EYA1: variants seen among roughly 807,000 people sequenced by gnomAD.
The protein encoded by EYA1 is EYA transcriptional coactivator and phosphatase 1.
In EYA1, 16 loss-of-function variants were observed where a neutral mutation model predicts 82.0. The observed-to-expected ratio is 0.20, with a 90% CI of 0.13 to 0.30. The LOEUF (loss-of-function observed/expected upper bound fraction) is 0.30, where lower values mean the gene tolerates loss of function less well. EYA1 is among the 10% of genes least tolerant of loss of function. The probability of loss-of-function intolerance (pLI) is 1.00; values close to 1 mark genes in which losing one functional copy is unlikely to be tolerated. For missense variants in EYA1, 633 were observed against 730.7 expected (o/e 0.87, Z 1.54); for synonymous variants, 261 against 264.4 (o/e 0.99, Z 0.12).
At position 71,244,466 on chromosome 8, in the gene EYA1, AAC is replaced by A. The variant is rs1812835188; in HGVS notation, c.1140+135_1140+136del. 3 of 595,848 alleles carry A rather than the reference AAC, an allele frequency of 5.0e-6. No individual in the cohort carries two copies. The South Asian group carries it at 5.8e-5, about 11-fold the overall frequency. The allele number at this position is 595,848 out of a possible 1,614,324, so 36.9% of individuals were successfully genotyped here. On this transcript the variant is annotated intron_variant, in intron 12 of 17. Coordinates refer to ENST00000340726, the MANE Select transcript of EYA1 (RefSeq NM_000503.6). ...CAAAATAGAAATCCCATAAAGGCAAAACACATTGCCATATTACCAACAAACCT... is the reference window on the plus strand; with the variant it reads ...CAAAATAGAAATCCCATAAAGGCAAAACATTGCCATATTACCAACAAACCT...
intron 9 of EYA1, among the ~76,000 whole-genome samples, chr8:71,277,683 C>A (rs111913516): frequency 0.01 from 1,524 of 152,262 alleles, 24 homozygotes; most frequent in African/African-American, 0.035. Flanking sequence ...ATCATTCCCA[C>A]TCTGGGAAAA....
intron 17 of EYA1, among the ~76,000 whole-genome samples, chr8:71,207,692 ATCT>A (rs998110524): frequency 5.9e-5 from 9 of 152,364 alleles, no homozygotes; most frequent in Middle Eastern, 6.8e-3. Flanking sequence ...AGTGGAAACA[ATCT>A]TTTTTTAAGC....
At chr8:71,395,160 G>A (rs570941711) in intron 2 of EYA1, among the ~76,000 whole-genome samples, 103 of 152,312 alleles carry the variant, frequency 6.8e-4, no homozygotes, top group African/African-American at 2.3e-3. Flanking sequence ...AGACTTTGCC[G>A]AAGTTGCTTA....
chr8:71,397,928 A>G (rs1323826286), intron 2 of EYA1, among the ~76,000 whole-genome samples: 1 of 152,168 alleles, frequency 6.6e-6, no homozygotes, highest in East Asian at 1.9e-4. Flanking sequence ...AGGTACACCA[A>G]TCAGACATAG....
chr8:71,405,987 T>C (rs1262281892), intron 2 of EYA1, among the ~76,000 whole-genome samples: 1 of 152,172 alleles, frequency 6.6e-6, no homozygotes, highest in Admixed American at 6.5e-5. Flanking sequence ...CATAGGGATA[T>C]CATTAACAAA....
At chr8:71,326,560 G>A (rs961520165) in intron 4 of EYA1, among the ~76,000 whole-genome samples, 11 of 152,134 alleles carry the variant, frequency 7.2e-5, no homozygotes, top group Admixed American at 5.2e-4. Context: ...CGGGGGTGAG[G>A]GGACACTTTC....
intron 3 of EYA1, among the ~76,000 whole-genome samples, chr8:71,346,700 C>T (rs1471767953): frequency 6.6e-6 from 1 of 151,928 alleles, no homozygotes; most frequent in East Asian, 1.9e-4. Context: ...CACTATAGAT[C>T]AAATTCAAAA....
intron 2 of EYA1, among the ~76,000 whole-genome samples, chr8:71,522,631 T>C (rs1344313706): frequency 6.7e-6 from 1 of 148,394 alleles, no homozygotes. Context: ...TTTTTTTTTT[T>C]TTTTTTTGAG....
chr8:71,458,387 ATT>A (rs370744569), intron 2 of EYA1, among the ~76,000 whole-genome samples: 1 of 149,662 alleles, frequency 6.7e-6, no homozygotes, highest in African/African-American at 2.5e-5. Context: ...GTGTATGTAG[ATT>A]TTTTTTTTCT....
chr8:71,324,513 A>G (rs1446781675), intron 4 of EYA1, among the ~76,000 whole-genome samples: 3 of 152,198 alleles, frequency 2.0e-5, no homozygotes, highest in African/African-American at 7.2e-5. Context: ...TAATTTTCCC[A>G]GATTCCCACT....
At chr8:71,391,690 G>A (rs185381964) in intron 2 of EYA1, among the ~76,000 whole-genome samples, 8 of 152,318 alleles carry the variant, frequency 5.3e-5, no homozygotes, top group Admixed American at 3.9e-4. Context: ...TCAATTGTCA[G>A]TTCAGATTTC....
At chr8:71,253,071 G>T (rs1490233213) in intron 11 of EYA1, among the ~76,000 whole-genome samples, 4 of 152,144 alleles carry the variant, frequency 2.6e-5, no homozygotes, top group African/African-American at 7.2e-5. Flanking sequence ...ATTTTTCAGT[G>T]ATCATAAAAT....
At chr8:71,317,804 A>G (rs568948523) in intron 6 of EYA1, 115 bp from the exon 7 acceptor site, 63 of 995,324 alleles carry the variant, frequency 6.3e-5, no homozygotes, top group Middle Eastern at 2.2e-4. Context: ...TCTTATCTCA[A>G]AAATAAAGGG....
intron 2 of EYA1, among the ~76,000 whole-genome samples, chr8:71,459,746 C>A (rs1377546133): frequency 3.3e-5 from 5 of 152,034 alleles, no homozygotes; most frequent in African/African-American, 1.2e-4. Context: ...GTCTTTCCAA[C>A]ACTGCTCTTA....
chr8:71,364,103 A>G (rs1198719821), upstream of EYA1, among the ~76,000 whole-genome samples: 13 of 152,084 alleles, frequency 8.5e-5, no homozygotes, highest in Non-Finnish European at 1.8e-4. Context: ...TAAATGATGC[A>G]TATAATTATG....
At chr8:71,358,022 G>A (rs911355641) in intron 1 of EYA1, among the ~76,000 whole-genome samples, 1 of 150,800 alleles carries the variant, frequency 6.6e-6, no homozygotes, top group Non-Finnish European at 1.5e-5. Context: ...TTATAGGTGA[G>A]AACTAACTTA....
intron 6 of EYA1, among the ~76,000 whole-genome samples, chr8:71,320,010 C>G (rs920630007): frequency 6.6e-6 from 1 of 152,190 alleles, no homozygotes; most frequent in Non-Finnish European, 1.5e-5. Context: ...CTGAGCCTCG[C>G]TCTCTCCCCC....
intron 12 of EYA1, among the ~76,000 whole-genome samples, chr8:71,236,094 G>A (rs1185799312): frequency 6.6e-6 from 1 of 152,134 alleles, no homozygotes; most frequent in African/African-American, 2.4e-5. Flanking sequence ...AGGCTGGAGT[G>A]CAGTGGCACA....
At chr8:71,331,675 G>A (rs906746793) in intron 4 of EYA1, among the ~76,000 whole-genome samples, 1 of 151,982 alleles carries the variant, frequency 6.6e-6, no homozygotes, top group Non-Finnish European at 1.5e-5. Flanking sequence ...TGATTATACT[G>A]AAAATATGAC....
Sources: gnomAD v4.1 joint callset for allele counts (sites outside exome capture counted in the v4.1 genomes callset) on GRCh38, gnomAD v4.1.1 for gene constraint, MANE v1.5 for transcripts, NCBI Gene and HGNC (gene_info 2026-07-23, HGNC 2026-07-21) for gene names.